STOX2: variants seen among roughly 807,000 people sequenced by gnomAD.
The protein encoded by STOX2 is storkhead box 2, also known as storkhead-box protein 2.
In STOX2, 28 loss-of-function variants were observed where a neutral mutation model predicts 60.9. That is an observed-to-expected ratio of 0.46 (90% CI 0.34 to 0.63). The LOEUF (loss-of-function observed/expected upper bound fraction) is 0.63, where lower values mean the gene tolerates loss of function less well. STOX2 is among the 30% of genes least tolerant of loss of function. STOX2 has a pLI of 0.01. For missense variants in STOX2, 1,024 were observed against 1,187.7 expected (o/e 0.86, Z 2.03); for synonymous variants, 472 against 463.9 (o/e 1.02, Z -0.22).
intron 1 of STOX2, among the ~76,000 whole-genome samples, chr4:183,910,049 A>G (rs764840630): frequency 2.6e-5 from 4 of 152,244 alleles, no homozygotes; most frequent in Non-Finnish European, 4.4e-5. Context: ...CTAAGAATTC[A>G]TGAGCTTCCT....
intron 1 of STOX2, among the ~76,000 whole-genome samples, chr4:183,810,943 T>A (rs2111100482): frequency 6.6e-6 from 1 of 152,230 alleles, no homozygotes; most frequent in African/African-American, 2.4e-5. Context: ...CCTAATAGAA[T>A]TCTTGCTGAA....
At chr4:183,920,180 A>G (rs946269444) in intron 1 of STOX2, among the ~76,000 whole-genome samples, 1 of 152,096 alleles carries the variant, frequency 6.6e-6, no homozygotes, top group Non-Finnish European at 1.5e-5. Context: ...CAGTGGCACC[A>G]TCTCGGCTCA....
chr4:183,799,064 C>T (rs1007289791), intron 1 of STOX2, among the ~76,000 whole-genome samples: 1 of 152,158 alleles, frequency 6.6e-6, no homozygotes, highest in Non-Finnish European at 1.5e-5. Context: ...TCTCGTTACC[C>T]GCTGTTGCTA....
chr4:183,819,711 G>A (rs936865710), intron 1 of STOX2, among the ~76,000 whole-genome samples: 3 of 152,164 alleles, frequency 2.0e-5, no homozygotes, highest in East Asian at 3.9e-4. Context: ...AAAGGAGGGC[G>A]TGAGATATTT....
chr4:183,877,592 G>C lies in STOX2; in HGVS notation c.364+79537G>C, dbSNP rs933799167. 4.6e-5 allele frequency among the ~76,000 whole-genome samples: 7 copies of C among 152,208 alleles called. No homozygotes were observed. The South Asian group carries it at 1.4e-3, about 31-fold the overall frequency. ...GCACAGTGGAGTGGGACGCATGGAA[G>C]CTTTGAGTTTCTGGTTGAGGATAAA... On this transcript the variant is annotated intron_variant, in intron 1 of 2. Coordinates refer to the STOX2 transcript ENST00000513034.
chr4:183,933,024 C>A (rs1025190939), intron 1 of STOX2, among the ~76,000 whole-genome samples: 1 of 152,184 alleles, frequency 6.6e-6, no homozygotes, highest in African/African-American at 2.4e-5. Flanking sequence ...GAGGCAGATT[C>A]ACATGCTAAA....
intron 1 of STOX2, among the ~76,000 whole-genome samples, chr4:183,952,075 C>T (rs926095926): frequency 1.3e-5 from 2 of 152,174 alleles, no homozygotes; most frequent in Non-Finnish European, 2.9e-5. Flanking sequence ...GACTTCCACA[C>T]TCTCTTTCTT....
At chr4:183,999,403 T>G (rs920502893) in intron 1 of STOX2, among the ~76,000 whole-genome samples, 1 of 152,196 alleles carries the variant, frequency 6.6e-6, no homozygotes, top group African/African-American at 2.4e-5. Context: ...CATTTGTGGC[T>G]TCTAAGCTAG....
At chr4:183,843,281 T>C (rs954969055) in intron 1 of STOX2, among the ~76,000 whole-genome samples, 8 of 152,142 alleles carry the variant, frequency 5.3e-5, no homozygotes, top group African/African-American at 1.9e-4. Flanking sequence ...TCTCAGAACC[T>C]TGGCCACACA....
At chr4:183,954,623 A>G (rs142259631) in intron 1 of STOX2, among the ~76,000 whole-genome samples, 201 of 152,090 alleles carry the variant, frequency 1.3e-3, no homozygotes, top group Non-Finnish European at 2.0e-3. Flanking sequence ...TACTTTTACA[A>G]AGGTAATTAT....
At chr4:183,812,835 C>G (rs1739064980) in intron 1 of STOX2, among the ~76,000 whole-genome samples, 7 of 152,164 alleles carry the variant, frequency 4.6e-5, no homozygotes, top group Non-Finnish European at 1.5e-5. Context: ...ACACTGCTAA[C>G]ATATTTAATT....
At chr4:184,014,134 A>G (rs1249346417) in intron 3 of STOX2, 2 of 137,694 alleles carry the variant, frequency 1.5e-5, no homozygotes, top group African/African-American at 2.7e-5. Context: ...AAAAAAAAAA[A>G]CAGAAAAAGA....
chr4:183,946,488 C>A (rs1048338929), intron 1 of STOX2, among the ~76,000 whole-genome samples: 1 of 152,154 alleles, frequency 6.6e-6, no homozygotes, highest in Non-Finnish European at 1.5e-5. Context: ...TCCTCCATAT[C>A]TGTGGGTTCT....
intron 3 of STOX2, chr4:184,014,762 T>G (rs1734299675): frequency 6.6e-6 from 1 of 152,148 alleles, no homozygotes; most frequent in Admixed American, 6.5e-5. Flanking sequence ...TTACATATAT[T>G]ACATATTTAC....
intron 1 of STOX2, among the ~76,000 whole-genome samples, chr4:183,835,319 G>T (rs1739679341): frequency 6.6e-6 from 1 of 151,564 alleles, no homozygotes; most frequent in Non-Finnish European, 1.5e-5. Flanking sequence ...CCGCCTCAAG[G>T]TTCATGCCAT....
At chr4:183,847,823 G>T (rs530719298) in intron 1 of STOX2, among the ~76,000 whole-genome samples, 2 of 152,130 alleles carry the variant, frequency 1.3e-5, no homozygotes, top group South Asian at 2.1e-4. Flanking sequence ...ACAGGAACAG[G>T]CCCTTGGAAT....
chr4:183,941,927 C>T (rs775796495), intron 1 of STOX2, among the ~76,000 whole-genome samples: 8 of 152,118 alleles, frequency 5.3e-5, no homozygotes, highest in Non-Finnish European at 1.2e-4. Flanking sequence ...GCCTGGCAAC[C>T]TACGACTCCT....
At chr4:183,991,681 C>T (rs1398338668) in intron 1 of STOX2, among the ~76,000 whole-genome samples, 2 of 152,134 alleles carry the variant, frequency 1.3e-5, no homozygotes, top group Admixed American at 6.5e-5. Context: ...ACCTCGACCT[C>T]CCAAAGTGCT....
At chr4:183,835,839 T>C (rs1256644995) in intron 1 of STOX2, among the ~76,000 whole-genome samples, 1 of 152,182 alleles carries the variant, frequency 6.6e-6, no homozygotes, top group African/African-American at 2.4e-5. Flanking sequence ...TCCCTACAAG[T>C]CTTTGTGTGA....
Sources: gnomAD v4.1 joint callset for allele counts (sites outside exome capture counted in the v4.1 genomes callset) on GRCh38, gnomAD v4.1.1 for gene constraint, MANE v1.5 for transcripts, NCBI Gene and HGNC (gene_info 2026-07-23, HGNC 2026-07-21) for gene names.